GREB1: variants seen among roughly 807,000 people sequenced by gnomAD.
GREB1 encodes protein GREB1.
A neutral mutation model predicts 200.7 loss-of-function variants in GREB1; 106 were observed. The ratio of observed to expected loss-of-function variants is 0.53; its 90% CI spans 0.45 to 0.62. The LOEUF is 0.62. Among genes scored for constraint, GREB1 ranks in the 20% least tolerant of loss-of-function variants. The pLI is 0.00. For missense variants in GREB1, 2,243 were observed against 2,556.8 expected (o/e 0.88, Z 2.65); for synonymous variants, 1,132 against 1,092.4 (o/e 1.04, Z -0.72).
Position 11,640,750 on chromosome 2 carries a change from T to C in GREB1, c.*296T>C. On this transcript the variant is annotated 3_prime_UTR_variant, in exon 33 of 33. Transcript: ENST00000381486. This position sits in a 1 kb window ranked among gnomAD's most constrained non-coding sequence, Gnocchi z 4.6. ...AAAGATTTACTTCCTGTCCTGCCAT[T>C]CGTGTGCTTCCATGGACAAACCTGA... is the stretch of plus-strand genomic sequence containing the variant. The C allele has an allele frequency of 2.8e-6, 1 of 358,070 alleles. No homozygotes were observed. Among genetic ancestry groups the C allele is most frequent in the South Asian group, 4.3e-5 (1 of 23,308 alleles). The allele number at this position is 358,070 out of a possible 1,614,324, so 22.2% of individuals were successfully genotyped here. A position where few individuals can be genotyped will look rare whatever the true frequency, so the allele number is the denominator to read the frequency against.
intron 7 of GREB1, among the ~76,000 whole-genome samples, chr2:11,581,690 A>G (rs13431704): frequency 0.079 from 12,019 of 152,196 alleles, 1,486 homozygotes; most frequent in African/African-American, 0.26. Flanking sequence ...TCTTTCCTCC[A>G]TCATGCACTC....
chr2:11,617,352 C>T (rs948144650), intron 21 of GREB1, among the ~76,000 whole-genome samples: 1 of 152,200 alleles, frequency 6.6e-6, no homozygotes, highest in African/African-American at 2.4e-5. Context: ...CACGCACAGT[C>T]CCTGTCTTTC....
intron 7 of GREB1, among the ~76,000 whole-genome samples, chr2:11,582,175 G>A (rs913811583): frequency 2.5e-4 from 38 of 152,298 alleles, no homozygotes; most frequent in Middle Eastern, 3.4e-3. Flanking sequence ...TGGACCCCCA[G>A]CCTCCACCCT....
chr2:11,614,772 C>T (rs959797736), intron 19 of GREB1, among the ~76,000 whole-genome samples: 3 of 152,186 alleles, frequency 2.0e-5, no homozygotes, highest in African/African-American at 4.8e-5. Flanking sequence ...ACCGTGTTAG[C>T]CAGGATGGTC....
Position 11,567,941 on chromosome 2 carries a change from C to G in GREB1, c.454+1285C>G, listed in dbSNP as rs953995865. 3.9e-5 allele frequency among the ~76,000 whole-genome samples: 6 copies of G among 152,308 alleles called. No individual in the cohort carries two copies. The East Asian group carries it at 1.2e-3, about 29-fold the overall frequency. On this transcript the variant is annotated intron_variant, in intron 4 of 32. Transcript: ENST00000381486. ...AGGTGACTTCCACATGTGCCCTGGC[C>G]CTTTGGCAGTCTGTTCTCATCCCGT... is the stretch of plus-strand genomic sequence containing the variant.
At chr2:11,622,527 A>G (rs1365364438) in intron 23 of GREB1, among the ~76,000 whole-genome samples, 1 of 152,186 alleles carries the variant, frequency 6.6e-6, no homozygotes, top group Admixed American at 6.5e-5. Flanking sequence ...TTTCTACCTT[A>G]GACACTTAGT....
intron 1 of GREB1, among the ~76,000 whole-genome samples, chr2:11,496,709 GA>G (rs376508985): frequency 2.0e-3 from 305 of 152,274 alleles, no homozygotes; most frequent in Non-Finnish European, 3.7e-3. Flanking sequence ...GCACTCATAA[GA>G]AATAATACAG....
chr2:11,589,746 A>G (rs996479063), intron 10 of GREB1, among the ~76,000 whole-genome samples: 1 of 152,218 alleles, frequency 6.6e-6, no homozygotes, highest in Non-Finnish European at 1.5e-5. Flanking sequence ...TGAAGGTGGC[A>G]GCAGTGAGCT....
intron 25 of GREB1, 102 bp downstream of exon 25, chr2:11,627,206 T>A: frequency 9.1e-7 from 1 of 1,093,472 alleles, no homozygotes; most frequent in Non-Finnish European, 1.3e-6. Flanking sequence ...TAGAGAGTTC[T>A]GGAAGCCCTG....
At chr2:11,632,590 G>A (rs1030444631) in intron 27 of GREB1, among the ~76,000 whole-genome samples, 12 of 152,188 alleles carry the variant, frequency 7.9e-5, no homozygotes, top group East Asian at 5.8e-4. Context: ...GGCCTGCCTC[G>A]GCCCCCCAAA....
In GREB1 at chr2:11,634,265, A is replaced by C; in HGVS notation, c.5126A>C (p.Gln1709Pro). Residue 1709 changes from glutamine to proline, a missense_variant, in exon 29 of 33, where the codon CAA (glutamine) becomes CCA (proline). Transcript: ENST00000381486. ...AGCAAGACCCGGGCCAGCGAGGTGC[A>C]AGAGCCCTTCTCCCGCTGCCACGTG... ...WSSKTRASEV[Q>P]EPFSRCHVHN... is the part of the protein sequence containing the mutation. The C allele has an allele frequency of 4.3e-6, 7 of 1,614,190 alleles. No homozygotes were observed. The highest frequency in any genetic ancestry group is 5.1e-6 in the Non-Finnish European group (6 of 1,180,038).
intron 22 of GREB1, 108 bp from the exon 23 acceptor site, chr2:11,620,797 G>A (rs1167791427): frequency 1.6e-5 from 11 of 675,854 alleles, no homozygotes; most frequent in Non-Finnish European, 2.4e-5. Flanking sequence ...TTTAAAGACA[G>A]GATCTTCAAG....
intron 2 of GREB1, among the ~76,000 whole-genome samples, chr2:11,558,673 C>G (rs1267366759): frequency 6.6e-6 from 1 of 152,196 alleles, no homozygotes; most frequent in East Asian, 1.9e-4. Flanking sequence ...AAACCAAGCA[C>G]TCAGCTAGAG....
chr2:11,512,659 A>T (rs1046811831), intron 1 of GREB1, among the ~76,000 whole-genome samples: 1 of 152,168 alleles, frequency 6.6e-6, no homozygotes, highest in African/African-American at 2.4e-5. Context: ...ACCAGCTAGT[A>T]CAGGAGCTCT....
intron 19 of GREB1, 79 bp downstream of exon 19, chr2:11,612,689 C>A: frequency 1.2e-6 from 1 of 853,300 alleles, no homozygotes; most frequent in Non-Finnish European, 2.0e-6. Context: ...GTCAGGGGGG[C>A]TGCTGTGCCC....
At chr2:11,526,192 A>G (rs1673869042) in intron 1 of GREB1, among the ~76,000 whole-genome samples, 1 of 152,148 alleles carries the variant, frequency 6.6e-6, no homozygotes. Flanking sequence ...TTCTGCACTC[A>G]TCTTTGCCAC....
chr2:11,581,235 C>T lies in GREB1; in HGVS notation c.901+403C>T. On this transcript the variant is annotated intron_variant, in intron 7 of 32. Coordinates refer to ENST00000381486, the MANE Select transcript of GREB1 (RefSeq NM_014668.4). The stretch of plus-strand genomic sequence containing the variant: ...TCTCTTGTTAGTCAGGGGACCTTGG[C>T]CAAGTCTCAATAAATGTTTCTTCAT... 4 of 551,444 alleles carry T rather than the reference C, an allele frequency of 7.3e-6. No homozygotes were observed. In the South Asian group the frequency reaches 7.9e-5, roughly 11 times the overall value. The allele number at this position is 551,444 out of a possible 1,614,324, so 34.2% of individuals were successfully genotyped here.
chr2:11,598,619 T>C, intron 14 of GREB1, 61 bp from the exon 15 acceptor site: 1 of 1,462,518 alleles, frequency 6.8e-7, no homozygotes. Flanking sequence ...AGGTGTCTGT[T>C]GAGTGAATGA....
chr2:11,576,365 A>G lies in GREB1; in HGVS notation c.467A>G (p.Asn156Ser). ...GHNALLGFSG[N>S]CVGCGKKGFC... ...CTTCCTTCTCCAGGTTTCTCTGGGAATTGTGTTGGCTGTGGAAAGAAAGGC... is the reference window on the plus strand; with the variant it reads ...CTTCCTTCTCCAGGTTTCTCTGGGAGTTGTGTTGGCTGTGGAAAGAAAGGC... Residue 156 changes from asparagine (N) to serine (S), a missense_variant, in exon 5 of 33, where the codon AAT becomes AGT. This residue lies in a region of GREB1 where 1,178 missense variants were observed against 1,387.4 expected (regional missense o/e 0.85). Transcript: ENST00000381486. 1 of 1,610,718 alleles carries G rather than the reference A, an allele frequency of 6.2e-7. No individual in the cohort carries two copies. The highest frequency in any genetic ancestry group is 8.5e-7 in the Non-Finnish European group (1 of 1,178,930).
Sources: gnomAD v4.1 joint callset for allele counts (sites outside exome capture counted in the v4.1 genomes callset) on GRCh38, gnomAD v4.1.1 for gene constraint, gnomAD v4.1.1 regional missense constraint, Gnocchi (gnomAD v3.1) non-coding constraint, MANE v1.5 for transcripts, NCBI Gene and HGNC (gene_info 2026-07-23, HGNC 2026-07-21) for gene names.